COG5: variants seen among roughly 807,000 people sequenced by gnomAD.
COG5 encodes component of oligomeric golgi complex 5, also known as conserved oligomeric Golgi complex subunit 5.
In COG5, 86 loss-of-function variants were observed where a neutral mutation model predicts 110.4. The observed-to-expected ratio is 0.78, with a 90% confidence interval of 0.65 to 0.93. The LOEUF is 0.93. Ranked by LOEUF, COG5 falls within the 40% of genes least tolerant of loss-of-function variation. COG5 has a pLI of 0.00. For synonymous variants in COG5, 360 were observed against 334.6 expected (o/e 1.08, Z -0.83); for missense variants, 1,077 against 987.0 (o/e 1.09, Z -1.22).
chr7:107,484,744 T>C (rs1186589255), intron 6 of COG5, among the ~76,000 whole-genome samples: 7 of 152,210 alleles, frequency 4.6e-5, no homozygotes, highest in Non-Finnish European at 8.8e-5. Flanking sequence ...TGTACAATAA[T>C]AACATCAAAC....
chr7:107,297,574 G>A (rs533946893), intron 12 of COG5, among the ~76,000 whole-genome samples: 25 of 148,042 alleles, frequency 1.7e-4, no homozygotes, highest in South Asian at 1.1e-3. Context: ...TCAGTCTCCC[G>A]AGTAGATGGG....
chr7:107,534,570 A>G (rs1801444891), intron 5 of COG5, among the ~76,000 whole-genome samples: 2 of 151,592 alleles, frequency 1.3e-5, no homozygotes, highest in African/African-American at 4.9e-5. Context: ...AAAAAGACAA[A>G]GAAGCCCATT....
intron 5 of COG5, among the ~76,000 whole-genome samples, chr7:107,542,657 T>G (rs1247428544): frequency 6.6e-6 from 1 of 152,156 alleles, no homozygotes; most frequent in Non-Finnish European, 1.5e-5. Context: ...TGACATATTC[T>G]ACAGCAATAA....
At chr7:107,411,667 T>C (rs1455203517) in intron 7 of COG5, among the ~76,000 whole-genome samples, 1 of 152,164 alleles carries the variant, frequency 6.6e-6, no homozygotes, top group Non-Finnish European at 1.5e-5. Context: ...AGTACCTGAT[T>C]CAGTTATATT....
At chr7:107,494,954 G>C (rs1798180521) in intron 6 of COG5, among the ~76,000 whole-genome samples, 1 of 152,116 alleles carries the variant, frequency 6.6e-6, no homozygotes, top group Non-Finnish European at 1.5e-5. Context: ...GAGAGCCACA[G>C]GAGCAAGACC....
chr7:107,295,026 T>TACACACACATATACACACAC (rs1806555128), intron 12 of COG5, among the ~76,000 whole-genome samples: 1 of 99,674 alleles, frequency 1.0e-5, no homozygotes. Flanking sequence ...CATATATATA[T>TACACACACATATACACACAC]ACACACACAT....
intron 10 of COG5, among the ~76,000 whole-genome samples, chr7:107,341,474 C>A (rs1033509497): frequency 1.3e-5 from 2 of 152,070 alleles, no homozygotes; most frequent in African/African-American, 4.8e-5. Context: ...AGACTCAACA[C>A]TATTCCTATC....
Position 107,474,822 on chromosome 7 carries a change from A to G in COG5, c.538+52415T>C. 3 of 1,613,212 alleles carry G rather than the reference A, an allele frequency of 1.9e-6. No individual in the cohort carries two copies. The highest frequency in any genetic ancestry group is 2.5e-6 in the Non-Finnish European group (3 of 1,179,592). ...TTTCAACAGGGCAGAAGAAGAAAGC[A>G]AGAAAGAAAAAGACAATTTCTCTAA... On this transcript the variant is annotated intron_variant, in intron 6 of 21. Coordinates refer to ENST00000297135, the MANE Select transcript of COG5 (RefSeq NM_006348.5). The surrounding 1 kb of genome is among the most constrained non-coding windows in gnomAD (Gnocchi z 5.7).
intron 6 of COG5, among the ~76,000 whole-genome samples, chr7:107,417,336 T>C (rs1016969053): frequency 1.3e-5 from 2 of 152,234 alleles, no homozygotes; most frequent in African/African-American, 4.8e-5. Flanking sequence ...TTTGTAATTA[T>C]ACTTATTTAC....
At chr7:107,244,291 A>G (rs192345668) in intron 17 of COG5, among the ~76,000 whole-genome samples, 1 of 152,342 alleles carries the variant, frequency 6.6e-6, no homozygotes, top group Admixed American at 6.5e-5. Context: ...AAGAACAATG[A>G]TACAACATAT....
At chr7:107,211,366 C>A in intron 19 of COG5, 141 bp from the exon 20 acceptor site, 1 of 924,872 alleles carries the variant, frequency 1.1e-6, no homozygotes, top group Non-Finnish European at 1.7e-6. Flanking sequence ...CCACTCTATT[C>A]AGCCTTGAGA....
chr7:107,539,393 T>C (rs1801817276), intron 5 of COG5, among the ~76,000 whole-genome samples: 1 of 152,232 alleles, frequency 6.6e-6, no homozygotes, highest in African/African-American at 2.4e-5. Flanking sequence ...TGTACTGACA[T>C]ATGCTACAAT....
At chr7:107,341,642 G>A (rs944188427) in intron 10 of COG5, among the ~76,000 whole-genome samples, 7 of 151,934 alleles carry the variant, frequency 4.6e-5, no homozygotes, top group African/African-American at 1.7e-4. Context: ...ACAAGGCTAT[G>A]GTAAGCAAAA....
At chr7:107,320,351 T>C (rs1376528291) in intron 11 of COG5, among the ~76,000 whole-genome samples, 1 of 152,248 alleles carries the variant, frequency 6.6e-6, no homozygotes, top group Non-Finnish European at 1.5e-5. Flanking sequence ...TACATAAAAC[T>C]CTGCAATGAC....
chr7:107,489,751 T>C (rs539730857), intron 6 of COG5, among the ~76,000 whole-genome samples: 2 of 152,292 alleles, frequency 1.3e-5, no homozygotes, highest in African/African-American at 4.8e-5. Context: ...TAAGGGCATA[T>C]GTATTCAACA....
chr7:107,231,816 T>C (rs1800795144), intron 18 of COG5, among the ~76,000 whole-genome samples: 1 of 147,268 alleles, frequency 6.8e-6, no homozygotes, highest in African/African-American at 2.6e-5. Context: ...CTATCTTGCC[T>C]TCACTAAATT....
chr7:107,303,772 T>C (rs1807477445), intron 11 of COG5, among the ~76,000 whole-genome samples: 1 of 152,270 alleles, frequency 6.6e-6, no homozygotes, highest in African/African-American at 2.4e-5. Flanking sequence ...TTATTTGATA[T>C]GTAGTTATAA....
chr7:107,535,145 G>A (rs141716176), intron 5 of COG5, among the ~76,000 whole-genome samples: 19,137 of 151,552 alleles, frequency 0.13, 1,567 homozygotes, highest in Non-Finnish European at 0.17. Context: ...CAACATACCA[G>A]AATCTCTGGG....
At chr7:107,563,519 C>G (rs1804122853) in intron 1 of COG5, 4 of 466,978 alleles carry the variant, frequency 8.6e-6, no homozygotes, top group African/African-American at 2.1e-5. Flanking sequence ...TTTGGGCTCC[C>G]GAAACTTCAG....
Sources: allele counts gnomAD v4.1 joint callset (sites outside exome capture counted in the v4.1 genomes callset), GRCh38; gene constraint gnomAD v4.1.1; non-coding constraint Gnocchi (gnomAD v3.1); transcripts MANE v1.5; gene names NCBI Gene and HGNC (gene_info 2026-07-23, HGNC 2026-07-21).